The following CDKL3 variants were observed in gnomAD, a reference collection of about 807,000 sequenced individuals.
CDKL3 encodes cyclin dependent kinase like 3.
Under a neutral mutation model 69.3 loss-of-function variants are expected in CDKL3, and 65 were observed. That is an observed-to-expected ratio of 0.94 (90% CI 0.77 to 1.15). The LOEUF (loss-of-function observed/expected upper bound fraction) is 1.15. Among genes scored for constraint, CDKL3 ranks in the 50% most tolerant of loss-of-function variants. The pLI is 0.00. For missense variants in CDKL3, 652 were observed against 689.2 expected, an observed-to-expected ratio of 0.95 and a Z score of 0.61; for synonymous variants, 202 against 221.6, an observed-to-expected ratio of 0.91 and a Z score of 0.79.
At chr5:134,368,769 G>A (rs986517330), upstream of CDKL3, among the ~76,000 whole-genome samples, 3 of 152,000 alleles carry the variant, frequency 2.0e-5, no homozygotes, top group East Asian at 1.9e-4. Context: ...AGGAGGCTGC[G>A]CACAGTGGCT....
At chr5:134,366,646 T>A in intron 1 of CDKL3, 102 bp from the exon 2 acceptor site, 1 of 744,100 alleles carries the variant, frequency 1.3e-6, no homozygotes, top group Non-Finnish European at 2.1e-6. Flanking sequence ...CAGTCTCAAA[T>A]ATAGAGACAT....
rs1765555214 is a variant in CDKL3 at position 134,298,693 on chromosome 5, GC to G, written c.1736del (p.Cys579SerfsTer6). On this transcript the variant is annotated frameshift_variant, in exon 13 of 13. Coordinates refer to ENST00000265334, the MANE Select transcript of CDKL3 (RefSeq NM_001113575.2). LOFTEE classifies it high-confidence loss of function. ...TGTTTCTCTTCAAATTCTTCCCCTC[GC>G]AATGGCCATCTCCACCCTAAAATTA... Reference protein sequence around the residue: ...QEKQEGGDGHCEGKNLKRNRF... With the variant: ...QEKQEGGDGHXEGKNLKRNRF... 1 of 1,612,018 alleles carries G rather than the reference GC, an allele frequency of 6.2e-7. No homozygotes were observed. The highest frequency in any genetic ancestry group is 8.5e-7 in the Non-Finnish European group (1 of 1,178,646).
At chr5:134,314,535 A>C (rs1467405654) in intron 6 of CDKL3, among the ~76,000 whole-genome samples, 1 of 152,250 alleles carries the variant, frequency 6.6e-6, no homozygotes, top group Non-Finnish European at 1.5e-5. Flanking sequence ...GTAATAGCGA[A>C]AAGTGGGAAA....
At chr5:134,340,544 C>G (rs1469491650) in intron 4 of CDKL3, among the ~76,000 whole-genome samples, 2 of 152,054 alleles carry the variant, frequency 1.3e-5, no homozygotes, top group Non-Finnish European at 2.9e-5. Context: ...TTACTACTGA[C>G]TTTACAGAAA....
intron 4 of CDKL3, among the ~76,000 whole-genome samples, chr5:134,336,903 C>G (rs766412840): frequency 1.3e-5 from 2 of 152,228 alleles, no homozygotes; most frequent in Admixed American, 6.5e-5. Context: ...AAGCTGTCTG[C>G]TGCCTTTTGT....
upstream of CDKL3, among the ~76,000 whole-genome samples, chr5:134,370,343 C>G (rs1265701258): frequency 6.6e-6 from 1 of 152,196 alleles, no homozygotes; most frequent in Admixed American, 6.5e-5. Context: ...CACCTCTGAA[C>G]CCCCTGGTGG....
At chr5:134,371,341 G>A (rs747766027), upstream of CDKL3, 64 of 594,136 alleles carry the variant, frequency 1.1e-4, no homozygotes, top group Non-Finnish European at 1.8e-4. Context: ...GCGCCCCGCT[G>A]AAGGGCTCGG....
upstream of CDKL3, among the ~76,000 whole-genome samples, chr5:134,368,618 CAAAA>C (rs11339001): frequency 2.9e-5 from 2 of 69,810 alleles, no homozygotes; most frequent in African/African-American, 1.3e-4. Context: ...GACTCCATCT[CAAAA>C]AAAAAAAAAA....
At chr5:134,330,728 C>CA (rs1015431161) in intron 4 of CDKL3, among the ~76,000 whole-genome samples, 4 of 151,374 alleles carry the variant, frequency 2.6e-5, no homozygotes, top group Non-Finnish European at 4.4e-5. Flanking sequence ...GAAAAAAAAA[C>CA]AAAAAAAGCT....
At chr5:134,337,337 G>A (rs67684348) in intron 4 of CDKL3, among the ~76,000 whole-genome samples, 4,361 of 152,230 alleles carry the variant, frequency 0.029, 96 homozygotes, top group Middle Eastern at 0.051. Flanking sequence ...TCCCTGCTTC[G>A]GCTCGCCCTC....
chr5:134,306,378 T>A (rs1767829704), intron 10 of CDKL3, among the ~76,000 whole-genome samples: 1 of 151,998 alleles, frequency 6.6e-6, no homozygotes, highest in South Asian at 2.1e-4. Flanking sequence ...GTGCCTGAAG[T>A]CTCAGCTACT....
At chr5:134,294,719 A>C (rs915690254), downstream of CDKL3, among the ~76,000 whole-genome samples, 1 of 152,098 alleles carries the variant, frequency 6.6e-6, no homozygotes, top group African/African-American at 2.4e-5. Flanking sequence ...AGAAGGAAAA[A>C]CAGAAACTTA....
Position 134,308,644 on chromosome 5 carries a change from T to C in CDKL3, c.965A>G (p.Asn322Ser). The C allele has an allele frequency of 6.2e-7, 1 of 1,609,520 alleles. No individual in the cohort carries two copies. The change falls in exon 8 of 13, where the codon AAT becomes AGT. Residue 322 changes from asparagine (N) to serine (S), a missense_variant. Asn to Ser is a conservative substitution (Grantham distance 46, BLOSUM62 1). Coordinates refer to ENST00000265334, the MANE Select transcript of CDKL3 (RefSeq NM_001113575.2). ...LIKPKESSKE[N>S]ELRKDERKTV... The stretch of plus-strand genomic sequence containing the variant: ...TTTTCTTTCATCTTTCCTGAGTTCA[T>C]TTTCTTTAGAACTCTCTTTTGGCTT...
At chr5:134,356,142 T>TG (rs1754552695) in intron 3 of CDKL3, among the ~76,000 whole-genome samples, 1 of 152,298 alleles carries the variant, frequency 6.6e-6, no homozygotes, top group East Asian at 1.9e-4. Flanking sequence ...TGGTCCTAAC[T>TG]GGGGGTTATG....
intron 6 of CDKL3, among the ~76,000 whole-genome samples, chr5:134,313,475 AT>A (rs1770137584): frequency 6.6e-6 from 1 of 152,170 alleles, no homozygotes; most frequent in African/African-American, 2.4e-5. Flanking sequence ...AAGTATTATT[AT>A]TATCCTCATT....
chr5:134,298,400 A>G (rs1377111045), downstream of CDKL3: 3 of 1,277,814 alleles, frequency 2.3e-6, no homozygotes, highest in Non-Finnish European at 3.0e-6. Flanking sequence ...TTATCCACTC[A>G]GTAATCATGG....
chr5:134,369,558 G>C (rs1432069401), upstream of CDKL3, among the ~76,000 whole-genome samples: 1 of 151,396 alleles, frequency 6.6e-6, no homozygotes, highest in Non-Finnish European at 1.5e-5. Flanking sequence ...TGCTTTCAGT[G>C]ACTGCCTTGA....
chr5:134,307,740 C>T (rs551206062), intron 9 of CDKL3, among the ~76,000 whole-genome samples: 24 of 152,114 alleles, frequency 1.6e-4, no homozygotes, highest in Non-Finnish European at 2.2e-4. Context: ...ATTTGACTTA[C>T]GAAAGATTAT....
intron 4 of CDKL3, among the ~76,000 whole-genome samples, chr5:134,338,906 A>G (rs1000400763): frequency 1.3e-5 from 2 of 152,070 alleles, no homozygotes; most frequent in Admixed American, 1.3e-4. Flanking sequence ...GTATTCCCAG[A>G]GCTTTGGTAG....
Sources: gnomAD v4.1 joint callset for allele counts (sites outside exome capture counted in the v4.1 genomes callset) on GRCh38, gnomAD v4.1.1 for gene constraint, MANE v1.5 for transcripts, NCBI Gene and HGNC (gene_info 2026-07-23, HGNC 2026-07-21) for gene names.